Variants in CSF2RA observed in about 807,000 individuals in gnomAD.
CSF2RA encodes colony stimulating factor 2 receptor subunit alpha, also known as granulocyte-macrophage colony-stimulating factor receptor subunit alpha.
CSF2RA carries 42 observed loss-of-function variants against 51.6 expected under a neutral mutation model. The observed-to-expected ratio is 0.81, with a 90% CI of 0.64 to 1.05. The LOEUF (loss-of-function observed/expected upper bound fraction) is 1.05. Among genes scored for constraint, CSF2RA ranks in the 50% least tolerant of loss-of-function variants. The pLI is 0.00. For synonymous variants in CSF2RA, 222 were observed against 193.0 expected (o/e 1.15, Z -1.24); for missense variants, 530 against 501.1 (o/e 1.06, Z -0.55).
chrX:1,288,179 C>G (rs2090983760), intron 4 of CSF2RA, among the ~76,000 whole-genome samples: 1 of 151,632 alleles, frequency 6.6e-6, no homozygotes, highest in Non-Finnish European at 1.5e-5. Flanking sequence ...GTCGCCAAAT[C>G]CAGGTAAAAA....
At chrX:1,311,850 A>G (rs1258232693), downstream of CSF2RA, among the ~76,000 whole-genome samples, 1 of 152,160 alleles carries the variant, frequency 6.6e-6, no homozygotes, top group African/African-American at 2.4e-5. Flanking sequence ...TCCCACATCT[A>G]GAAAAGGCTG....
downstream of CSF2RA, among the ~76,000 whole-genome samples, chrX:1,314,252 C>T (rs1213826705): frequency 2.9e-4 from 9 of 30,758 alleles, no homozygotes; most frequent in South Asian, 9.8e-4. Context: ...CCCACTGCAC[C>T]TGCCCAACCC....
chrX:1,299,494 G>A (rs1488163318), intron 9 of CSF2RA, among the ~76,000 whole-genome samples: 7 of 152,014 alleles, frequency 4.6e-5, no homozygotes, highest in Non-Finnish European at 7.4e-5. Context: ...GTGCGATCTC[G>A]GCTCACTGCA....
chrX:1,322,595 C>A, the CSF2RA span, among the ~76,000 whole-genome samples: 2 of 151,284 alleles, frequency 1.3e-5, no homozygotes, highest in African/African-American at 4.9e-5. Flanking sequence ...CCCACTGAAC[C>A]CTTTGTGGTC....
At chrX:1,322,340 C>T in the CSF2RA span, among the ~76,000 whole-genome samples, 1 of 150,728 alleles carries the variant, frequency 6.6e-6, no homozygotes, top group South Asian at 2.1e-4. Flanking sequence ...TCTCGATCTC[C>T]TGACCTCGTG....
At chrX:1,288,447 A>C (rs2148377314) in intron 4 of CSF2RA, 72 bp from the exon 5 acceptor site, 11 of 1,604,586 alleles carry the variant, frequency 6.9e-6, no homozygotes, top group East Asian at 2.2e-5. Context: ...ACGCCACTGC[A>C]CTCCAGCCTG....
At chrX:1,296,160 C>G (rs1483136690) in intron 9 of CSF2RA, among the ~76,000 whole-genome samples, 1 of 151,344 alleles carries the variant, frequency 6.6e-6, no homozygotes, top group Non-Finnish European at 1.5e-5. Flanking sequence ...AGTAACCCTA[C>G]AGTCCCCTAG....
At chrX:1,273,661 G>A (rs1363369098) in intron 1 of CSF2RA, among the ~76,000 whole-genome samples, 1 of 150,934 alleles carries the variant, frequency 6.6e-6, no homozygotes, top group Admixed American at 6.6e-5. Flanking sequence ...GCTCACTGCA[G>A]CCTCTGCTTC....
At chrX:1,283,301 TCTTC>T (rs1399132178) in intron 3 of CSF2RA, among the ~76,000 whole-genome samples, 1 of 147,812 alleles carries the variant, frequency 6.8e-6, no homozygotes, top group Non-Finnish European at 1.5e-5. Flanking sequence ...TCTTTCTTTC[TCTTC>T]CTTCCTTCCC....
intron 4 of CSF2RA, 70 bp downstream of exon 4, chrX:1,285,990 C>T (rs1310777019): frequency 2.9e-5 from 47 of 1,598,784 alleles, no homozygotes; most frequent in East Asian, 1.8e-4. Context: ...GCAACAGGGC[C>T]GGCTGGGCGC....
the CSF2RA span, among the ~76,000 whole-genome samples, chrX:1,315,739 G>C: frequency 6.6e-6 from 1 of 151,718 alleles, no homozygotes; most frequent in East Asian, 1.9e-4. Context: ...GATAGACATA[G>C]ATAGATAGAT....
At position 1,303,942 on chromosome X, in the gene CSF2RA, C is replaced by T. The variant is rs145829351; in HGVS notation, c.966C>T (p.Leu322=). The T allele has an allele frequency of 4.0e-4, 642 of 1,613,562 alleles. 2 individuals carry two copies. The highest frequency in any genetic ancestry group is 5.0e-4 in the Non-Finnish European group (587 of 1,179,776). Residue 322 remains leucine, a synonymous_variant, in exon 11 of 13, where the codon CTC becomes CTT. Transcript: ENST00000381529. ...CTCCAGGTTCTGACGACGGGAACCT[C>T]GGCTCTGTGTACATTTATGTGCTCC... The part of the protein sequence containing the change: ...AIEFGSDDGN[L]GSVYIYVLLI...
At chrX:1,317,258 T>TA in the CSF2RA span, among the ~76,000 whole-genome samples, 2 of 134,406 alleles carry the variant, frequency 1.5e-5, no homozygotes, top group Non-Finnish European at 3.2e-5. Flanking sequence ...TTTTTTTTTT[T>TA]TTTTTTTTTT....
chrX:1,317,542 C>T, the CSF2RA span, among the ~76,000 whole-genome samples: 15 of 149,432 alleles, frequency 1.0e-4, no homozygotes, highest in South Asian at 1.5e-3. Flanking sequence ...TGAGCCACCA[C>T]GCCCAGCTTT....
intron 4 of CSF2RA, 27 bp downstream of exon 4, chrX:1,285,947 C>G (rs1455134382): frequency 1.9e-6 from 3 of 1,613,704 alleles, no homozygotes; most frequent in East Asian, 2.2e-5. Context: ...ATTCTCAACC[C>G]CTGTCCTTTA....
At chrX:1,285,271 G>C (rs2090500988) in intron 3 of CSF2RA, among the ~76,000 whole-genome samples, 1 of 152,098 alleles carries the variant, frequency 6.6e-6, no homozygotes, top group Admixed American at 6.6e-5. Context: ...GCTGTGAAAA[G>C]GAGGGAAGAT....
At chrX:1,305,054 T>C (rs1227209633) in intron 11 of CSF2RA, among the ~76,000 whole-genome samples, 5 of 150,114 alleles carry the variant, frequency 3.3e-5, no homozygotes, top group Non-Finnish European at 4.4e-5. Context: ...AGTGCAGTGG[T>C]GCAATCTCGG....
Position 1,285,857 on chromosome X carries a change from A to T in CSF2RA, c.156A>T (p.Gln52His). ...SRTMNLSWDC[Q>H]ENTTFSKCFL... ...CGATGAATTTAAGCTGGGACTGCCA[A>T]GAAAACACAACCTTCAGCAAGTGTT... The change falls in exon 4 of 13, where the codon CAA becomes CAT. Residue 52 changes from glutamine (Q) to histidine (H), a missense_variant. Physicochemically the swap from Gln to His is conservative, Grantham distance 24. Transcript: ENST00000381529. 6.2e-7 allele frequency: 1 copy of T among 1,613,958 alleles called. No individual in the cohort carries two copies. Among genetic ancestry groups the T allele is most frequent in the Non-Finnish European group, 8.5e-7 (1 of 1,179,866 alleles).
chrX:1,280,032 C>T (rs1232854144), intron 2 of CSF2RA, among the ~76,000 whole-genome samples: 9 of 151,898 alleles, frequency 5.9e-5, no homozygotes, highest in Admixed American at 2.0e-4. Flanking sequence ...TCAGGCGATC[C>T]GCCTGCCTTG....
Sources: allele counts gnomAD v4.1 joint callset (sites outside exome capture counted in the v4.1 genomes callset), GRCh38; gene constraint gnomAD v4.1.1; transcripts MANE v1.5; gene names NCBI Gene and HGNC (gene_info 2026-07-23, HGNC 2026-07-21).